The following SCHIP1 variants were observed in gnomAD, a reference collection of about 807,000 sequenced individuals.
SCHIP1 encodes schwannomin interacting protein 1.
A neutral mutation model predicts 29.7 loss-of-function variants in SCHIP1; 8 were observed. The ratio of observed to expected loss-of-function variants is 0.27; its 90% CI spans 0.16 to 0.49. The LOEUF (loss-of-function observed/expected upper bound fraction) is 0.49. Among genes scored for constraint, SCHIP1 ranks in the 20% least tolerant of loss-of-function variants. The pLI, the probability that SCHIP1 is intolerant of heterozygous loss-of-function variation, is 0.99. For missense variants in SCHIP1, 193 were observed against 294.6 expected, an observed-to-expected ratio of 0.66 and a Z score of 2.52; for synonymous variants, 76 against 94.9, an observed-to-expected ratio of 0.80 and a Z score of 1.16.
At chr3:159,596,350 G>A in the SCHIP1 span, among the ~76,000 whole-genome samples, 1 of 152,140 alleles carries the variant, frequency 6.6e-6, no homozygotes, top group African/African-American at 2.4e-5. Flanking sequence ...CATTGTTGGT[G>A]GAACTGTAAA....
At chr3:159,573,918 G>A in the SCHIP1 span, among the ~76,000 whole-genome samples, 1 of 152,140 alleles carries the variant, frequency 6.6e-6, no homozygotes, top group Non-Finnish European at 1.5e-5. Context: ...TAAAGCTTGT[G>A]CATGCATCAC....
At chr3:159,423,932 T>C in the SCHIP1 span, among the ~76,000 whole-genome samples, 1 of 152,088 alleles carries the variant, frequency 6.6e-6, no homozygotes, top group East Asian at 1.9e-4. Context: ...ACACCGCTGC[T>C]GATACCCAGG....
chr3:159,661,679 T>A, the SCHIP1 span, among the ~76,000 whole-genome samples: 1 of 152,176 alleles, frequency 6.6e-6, no homozygotes, highest in Non-Finnish European at 1.5e-5. Context: ...AGGTTTCACA[T>A]CTAGTGTTTC....
chr3:159,887,641 G>T, intron 3 of SCHIP1, 67 bp from the exon 5 acceptor site: 1 of 1,576,398 alleles, frequency 6.3e-7, no homozygotes, highest in Non-Finnish European at 8.7e-7. Flanking sequence ...GGATGTTGTA[G>T]CCCATCTCTA....
At chr3:159,821,173 T>C in the SCHIP1 span, among the ~76,000 whole-genome samples, 8 of 152,094 alleles carry the variant, frequency 5.3e-5, no homozygotes, top group Non-Finnish European at 1.2e-4. Flanking sequence ...CTCATAGATC[T>C]AGTTGAGGAA....
At chr3:159,677,893 T>A in the SCHIP1 span, among the ~76,000 whole-genome samples, 6 of 152,146 alleles carry the variant, frequency 3.9e-5, no homozygotes, top group Non-Finnish European at 8.8e-5. Flanking sequence ...TGGGGTGCAG[T>A]GGTGCCATCA....
the SCHIP1 span, among the ~76,000 whole-genome samples, chr3:159,359,687 A>G: frequency 6.6e-6 from 1 of 152,240 alleles, no homozygotes; most frequent in African/African-American, 2.4e-5. Context: ...AAGTGGGGAT[A>G]GTAAAAGAAG....
the SCHIP1 span, among the ~76,000 whole-genome samples, chr3:159,425,495 T>C: frequency 6.6e-6 from 1 of 152,030 alleles, no homozygotes; most frequent in Non-Finnish European, 1.5e-5. Flanking sequence ...GAGCTAACTA[T>C]CCTAAATATA....
At chr3:159,582,785 T>C in the SCHIP1 span, among the ~76,000 whole-genome samples, 11,137 of 80,156 alleles carry the variant, frequency 0.14, 1,171 homozygotes, top group African/African-American at 0.29. Flanking sequence ...GAAATATATA[T>C]ATACACACAC....
chr3:159,344,412 C>A, the SCHIP1 span, among the ~76,000 whole-genome samples: 1 of 151,528 alleles, frequency 6.6e-6, no homozygotes, highest in East Asian at 1.9e-4. Context: ...AGAAACCTGA[C>A]AAACACTACC....
the SCHIP1 span, among the ~76,000 whole-genome samples, chr3:159,537,108 A>G: frequency 6.6e-6 from 1 of 152,302 alleles, no homozygotes; most frequent in Admixed American, 6.5e-5. Context: ...AAGCCAGAAA[A>G]AAAGAAATGC....
chr3:159,626,151 T>G, the SCHIP1 span, among the ~76,000 whole-genome samples: 207 of 113,972 alleles, frequency 1.8e-3, 3 homozygotes, highest in Admixed American at 3.3e-3. Context: ...TATCTAGATA[T>G]ATATATATAT....
At chr3:159,460,583 T>C in the SCHIP1 span, among the ~76,000 whole-genome samples, 1 of 152,154 alleles carries the variant, frequency 6.6e-6, no homozygotes, top group Non-Finnish European at 1.5e-5. Flanking sequence ...GGTAAGGTAA[T>C]CAACATGTCC....
the SCHIP1 span, among the ~76,000 whole-genome samples, chr3:159,636,919 A>G: frequency 6.6e-6 from 1 of 152,258 alleles, no homozygotes; most frequent in Non-Finnish European, 1.5e-5. Context: ...ATACTTTATT[A>G]GTTGTAGTTT....
the SCHIP1 span, among the ~76,000 whole-genome samples, chr3:159,661,662 G>T: frequency 6.6e-6 from 1 of 152,258 alleles, no homozygotes; most frequent in East Asian, 1.9e-4. Flanking sequence ...TGGGGAGAGT[G>T]GGGTTAAGGT....
chr3:159,512,623 T>C, the SCHIP1 span, among the ~76,000 whole-genome samples: 1 of 152,224 alleles, frequency 6.6e-6, no homozygotes, highest in African/African-American at 2.4e-5. Context: ...TGAGATGTTT[T>C]GATACAGACA....
At chr3:159,694,539 A>G in the SCHIP1 span, among the ~76,000 whole-genome samples, 127 of 5,290 alleles carry the variant, frequency 0.024, 2 homozygotes, top group African/African-American at 0.06. Context: ...AGAAAAGACA[A>G]GAAAGAAAGA....
the SCHIP1 span, among the ~76,000 whole-genome samples, chr3:159,411,279 T>C: frequency 7.0e-4 from 107 of 152,234 alleles, no homozygotes; most frequent in African/African-American, 2.5e-3. Flanking sequence ...TAAAAGACTA[T>C]AGCTGAGTTG....
chr3:159,735,379 G>A, the SCHIP1 span, among the ~76,000 whole-genome samples: 31 of 151,980 alleles, frequency 2.0e-4, no homozygotes, highest in Middle Eastern at 3.4e-3. Context: ...ACAGGCACCC[G>A]TCATCATGCC....
Sources: allele counts gnomAD v4.1 joint callset (sites outside exome capture counted in the v4.1 genomes callset), GRCh38; gene constraint gnomAD v4.1.1; transcripts MANE v1.5; gene names NCBI Gene and HGNC (gene_info 2026-07-23, HGNC 2026-07-21).